The following TMEM132D variants were observed in gnomAD, a reference collection of about 807,000 sequenced individuals.
TMEM132D encodes transmembrane protein 132D, also known as mature OL transmembrane protein.
A neutral mutation model predicts 62.3 loss-of-function variants in TMEM132D; 21 were observed. That is an observed-to-expected ratio of 0.34 (90% CI 0.24 to 0.49). The LOEUF (loss-of-function observed/expected upper bound fraction) is 0.49. Ranked by LOEUF, TMEM132D falls within the 20% of genes least tolerant of loss-of-function variation. The pLI, the probability that TMEM132D is intolerant of heterozygous loss-of-function variation, is 0.99. For missense variants in TMEM132D, 1,346 were observed against 1,402.8 expected (o/e 0.96, Z 0.65); for synonymous variants, 621 against 575.6 (o/e 1.08, Z -1.13).
intron 4 of TMEM132D, among the ~76,000 whole-genome samples, chr12:129,303,179 A>G (rs1881767281): frequency 6.8e-6 from 1 of 147,440 alleles, no homozygotes; most frequent in Admixed American, 6.8e-5. Context: ...CAGAGCCTCC[A>G]CCATCATCAC....
chr12:129,837,361 G>C (rs1050064589), intron 1 of TMEM132D, among the ~76,000 whole-genome samples: 17 of 152,150 alleles, frequency 1.1e-4, no homozygotes, highest in Non-Finnish European at 4.4e-5. Flanking sequence ...TTACAAGGCA[G>C]AGAGTCCTGT....
At chr12:129,429,345 T>C (rs1182676060) in intron 3 of TMEM132D, among the ~76,000 whole-genome samples, 1 of 151,868 alleles carries the variant, frequency 6.6e-6, no homozygotes, top group Non-Finnish European at 1.5e-5. Flanking sequence ...AGGGATTTAA[T>C]AGAGGAAATT....
chr12:129,893,229 T>C (rs1006782543), intron 1 of TMEM132D, among the ~76,000 whole-genome samples: 1 of 152,152 alleles, frequency 6.6e-6, no homozygotes, highest in South Asian at 2.1e-4. Context: ...TGTACCTCAA[T>C]TTTTGCCTCT....
At chr12:129,659,860 A>C (rs1395615925) in intron 2 of TMEM132D, among the ~76,000 whole-genome samples, 1 of 152,180 alleles carries the variant, frequency 6.6e-6, no homozygotes, top group Admixed American at 6.5e-5. Flanking sequence ...TGAGAAACAA[A>C]ATTGTTCCTA....
At chr12:129,160,066 A>G (rs1877358011) in intron 5 of TMEM132D, among the ~76,000 whole-genome samples, 1 of 152,200 alleles carries the variant, frequency 6.6e-6, no homozygotes. Context: ...AGCTTGTTGA[A>G]CAGGGATGAG....
intron 3 of TMEM132D, among the ~76,000 whole-genome samples, chr12:129,387,732 A>C (rs1420463972): frequency 6.6e-6 from 1 of 152,132 alleles, no homozygotes; most frequent in Admixed American, 6.6e-5. Context: ...CACCAACACG[A>C]ATCCTAATAT....
intron 3 of TMEM132D, among the ~76,000 whole-genome samples, chr12:129,462,409 A>G (rs1873707378): frequency 6.6e-6 from 1 of 152,230 alleles, no homozygotes; most frequent in African/African-American, 2.4e-5. Context: ...AGACTCAGCA[A>G]GGAGTTTTAG....
At chr12:129,602,504 GAGA>G (rs1878507449) in intron 2 of TMEM132D, among the ~76,000 whole-genome samples, 1 of 152,094 alleles carries the variant, frequency 6.6e-6, no homozygotes, top group Non-Finnish European at 1.5e-5. Flanking sequence ...ACATAGGGAG[GAGA>G]AGATGAACTG....
At chr12:129,837,410 A>G (rs983588228) in intron 1 of TMEM132D, among the ~76,000 whole-genome samples, 2 of 152,222 alleles carry the variant, frequency 1.3e-5, no homozygotes, top group African/African-American at 4.8e-5. Flanking sequence ...GTCCAGATGA[A>G]TTTTGTTAAG....
chr12:129,562,867 G>A (rs940101810), intron 2 of TMEM132D, among the ~76,000 whole-genome samples: 1 of 152,160 alleles, frequency 6.6e-6, no homozygotes, highest in African/African-American at 2.4e-5. Context: ...GTCCTCTTGG[G>A]AAGACTTCTC....
intron 1 of TMEM132D, among the ~76,000 whole-genome samples, chr12:129,878,030 C>T (rs1281790626): frequency 6.6e-6 from 1 of 152,090 alleles, no homozygotes; most frequent in East Asian, 1.9e-4. Context: ...AATTCCTGCC[C>T]AGGAATACAA....
chr12:129,807,565 C>T (rs1872033758), intron 1 of TMEM132D, among the ~76,000 whole-genome samples: 1 of 152,212 alleles, frequency 6.6e-6, no homozygotes, highest in Non-Finnish European at 1.5e-5. Flanking sequence ...GTATAAACTG[C>T]TTATATTTGG....
At chr12:129,133,782 AT>A (rs1276156469) in intron 5 of TMEM132D, among the ~76,000 whole-genome samples, 2 of 152,230 alleles carry the variant, frequency 1.3e-5, no homozygotes, top group Non-Finnish European at 2.9e-5. Context: ...GAAGTACCTC[AT>A]TTCCTTGTAC....
intron 1 of TMEM132D, among the ~76,000 whole-genome samples, chr12:129,705,230 CA>C (rs72225099): frequency 6.6e-6 from 1 of 151,692 alleles, no homozygotes; most frequent in African/African-American, 2.4e-5. Flanking sequence ...CATTAAAAGG[CA>C]AAAAAAGAAA....
At chr12:129,572,429 C>CTCTT (rs1331587153) in intron 2 of TMEM132D, among the ~76,000 whole-genome samples, 4 of 138,870 alleles carry the variant, frequency 2.9e-5, no homozygotes, top group Admixed American at 7.1e-5. Context: ...GGCAGAGGGT[C>CTCTT]TGTTTCTTTC....
chr12:129,624,991 A>G (rs1593094493), intron 2 of TMEM132D, among the ~76,000 whole-genome samples: 1 of 152,220 alleles, frequency 6.6e-6, no homozygotes, highest in East Asian at 1.9e-4. Context: ...ATTGCTCCAC[A>G]CCTCACAACA....
intron 3 of TMEM132D, among the ~76,000 whole-genome samples, chr12:129,420,306 G>GGTTTT (rs1457529737): frequency 3.6e-4 from 40 of 112,298 alleles, no homozygotes; most frequent in African/African-American, 1.6e-3. Context: ...CACGTTCTCT[G>GGTTTT]TTTTTTTTTT....
intron 3 of TMEM132D, among the ~76,000 whole-genome samples, chr12:129,473,318 G>GTTTTTTTTTTTTTTTTTTTTTTTT (rs1441231858): frequency 1.7e-5 from 1 of 57,760 alleles, no homozygotes; most frequent in African/African-American, 6.3e-5. Context: ...AGTGATTTTA[G>GTTTTTTTTTTTTTTTTTTTTTTTT]TTTTTGTTTT....
intron 3 of TMEM132D, among the ~76,000 whole-genome samples, chr12:129,435,623 G>A (rs1032976832): frequency 6.6e-6 from 1 of 152,126 alleles, no homozygotes; most frequent in Non-Finnish European, 1.5e-5. Context: ...TCCTGCTTCT[G>A]CAGTACGATG....
Sources: allele counts gnomAD v4.1 joint callset (sites outside exome capture counted in the v4.1 genomes callset), GRCh38; gene constraint gnomAD v4.1.1; transcripts MANE v1.5; gene names NCBI Gene and HGNC (gene_info 2026-07-23, HGNC 2026-07-21).